FGF12: variants seen among roughly 807,000 people sequenced by gnomAD.
FGF12 encodes the protein fibroblast growth factor 12, also known as fibroblast growth factor 12B.
FGF12 carries 14 observed loss-of-function variants against 23.6 expected under a neutral mutation model. The ratio of observed to expected loss-of-function variants is 0.59; its 90% CI spans 0.39 to 0.93. The LOEUF is 0.93. FGF12 is among the 40% of genes least tolerant of loss of function. The pLI is 0.00. For missense variants in FGF12, 175 were observed against 217.8 expected (o/e 0.80, Z 1.24); for synonymous variants, 62 against 77.3 (o/e 0.80, Z 1.04).
chr3:192,598,998 A>G (rs7611958), intron 2 of FGF12, among the ~76,000 whole-genome samples: 22,970 of 152,074 alleles, frequency 0.15, 1,772 homozygotes, highest in Middle Eastern at 0.19. Flanking sequence ...CATTCTCAGC[A>G]AGCTAACACA....
In FGF12 at chr3:192,172,583, A is replaced by G. The variant is rs1715629121; in HGVS notation, c.229-1927T>C. Among the ~76,000 whole-genome samples, 4 of 150,886 alleles carry G rather than the reference A, an allele frequency of 2.7e-5. 1 individual carries two copies. Among genetic ancestry groups the G allele is most frequent in the Admixed American group, 2.0e-4 (3 of 15,042 alleles). On this transcript the variant is annotated intron_variant, in intron 4 of 5. Coordinates refer to ENST00000445105, the MANE Select transcript of FGF12 (RefSeq NM_004113.6). The stretch of plus-strand genomic sequence containing the variant: ...AGCTTAAGAATCAAAGAAACAAATG[A>G]CCATGAGATACTACTTCACATCCAC...
intron 4 of FGF12, among the ~76,000 whole-genome samples, chr3:192,216,569 G>C (rs1718204556): frequency 6.6e-6 from 1 of 152,056 alleles, no homozygotes; most frequent in Admixed American, 6.6e-5. Flanking sequence ...CCTTTAAAAT[G>C]CTACATAATC....
chr3:192,446,700 G>A (rs2134126), intron 2 of FGF12, among the ~76,000 whole-genome samples: 6,136 of 152,118 alleles, frequency 0.04, 424 homozygotes, highest in African/African-American at 0.14. Context: ...TCAGACCACC[G>A]GCATCCTCAC....
At chr3:192,394,255 T>G (rs1356033713) in intron 2 of FGF12, among the ~76,000 whole-genome samples, 1 of 152,198 alleles carries the variant, frequency 6.6e-6, no homozygotes, top group Non-Finnish European at 1.5e-5. Flanking sequence ...TATGTAATGG[T>G]CTACCTTGAA....
intron 4 of FGF12, among the ~76,000 whole-genome samples, chr3:192,208,070 T>G (rs1717743763): frequency 6.6e-6 from 1 of 152,200 alleles, no homozygotes; most frequent in Non-Finnish European, 1.5e-5. Flanking sequence ...TAGGCATCCC[T>G]TTACAGCTCA....
intron 2 of FGF12, among the ~76,000 whole-genome samples, chr3:192,369,053 C>G (rs977763008): frequency 4.6e-5 from 7 of 152,156 alleles, no homozygotes; most frequent in African/African-American, 1.7e-4. Context: ...GAGCTGTGCA[C>G]TATTTTAGAG....
intron 2 of FGF12, among the ~76,000 whole-genome samples, chr3:192,723,874 A>AG (rs1553849492): frequency 0.017 from 2,267 of 130,974 alleles, 46 homozygotes; most frequent in Non-Finnish European, 0.027. Flanking sequence ...AGAGAGAGAG[A>AG]GAGAGGAGAG....
At chr3:192,346,816 A>T (rs189600956) in intron 3 of FGF12, among the ~76,000 whole-genome samples, 1 of 152,282 alleles carries the variant, frequency 6.6e-6, no homozygotes, top group Non-Finnish European at 1.5e-5. Flanking sequence ...TACTTCAGCC[A>T]TTGATTTGTC....
chr3:192,154,775 G>A (rs1258129815), intron 5 of FGF12, among the ~76,000 whole-genome samples: 3 of 145,440 alleles, frequency 2.1e-5, no homozygotes, highest in Admixed American at 2.1e-4. Context: ...TTGTTTGTCT[G>A]TGCCCTGCCC....
At chr3:192,707,865 G>A (rs1404038682) in intron 2 of FGF12, among the ~76,000 whole-genome samples, 4 of 151,682 alleles carry the variant, frequency 2.6e-5, no homozygotes, top group Non-Finnish European at 4.4e-5. Context: ...TTTTTATGCC[G>A]AGCCAGATTT....
intron 3 of FGF12, among the ~76,000 whole-genome samples, chr3:192,352,432 G>A (rs948092525): frequency 1.3e-5 from 2 of 152,244 alleles, no homozygotes; most frequent in Non-Finnish European, 2.9e-5. Flanking sequence ...GCTGGAAAAT[G>A]TGTATTTCTA....
At chr3:192,627,900 C>T (rs867457277) in intron 2 of FGF12, among the ~76,000 whole-genome samples, 9 of 147,690 alleles carry the variant, frequency 6.1e-5, no homozygotes, top group African/African-American at 2.0e-4. Flanking sequence ...ACAATTTTAT[C>T]ATATGTAGAG....
chr3:192,665,363 C>T (rs1716827815), intron 2 of FGF12, among the ~76,000 whole-genome samples: 1 of 151,990 alleles, frequency 6.6e-6, no homozygotes, highest in Admixed American at 6.6e-5. Flanking sequence ...ATGCCATTAC[C>T]ATAAGTGATA....
At chr3:192,604,441 C>T (rs989785077) in intron 2 of FGF12, among the ~76,000 whole-genome samples, 6 of 152,208 alleles carry the variant, frequency 3.9e-5, no homozygotes, top group Non-Finnish European at 5.9e-5. Flanking sequence ...TTCTTCAGCT[C>T]CAGCCGGTCC....
intron 4 of FGF12, among the ~76,000 whole-genome samples, chr3:192,200,326 C>T (rs183966773): frequency 4.4e-4 from 67 of 150,654 alleles, no homozygotes; most frequent in Admixed American, 1.8e-3. Flanking sequence ...AAGAGTCCAT[C>T]TTAAAAAAAA....
At chr3:192,594,128 T>C (rs1713741224) in intron 2 of FGF12, among the ~76,000 whole-genome samples, 1 of 151,876 alleles carries the variant, frequency 6.6e-6, no homozygotes, top group Admixed American at 6.6e-5. Flanking sequence ...ACTGCCTATT[T>C]TCAAAAGTTG....
In FGF12 at chr3:192,360,606, A is replaced by C; in HGVS notation, c.14-68T>G. 9.4e-7 allele frequency: 1 copy of C among 1,058,292 alleles called. No homozygotes were observed. Among genetic ancestry groups the C allele is most frequent in the Non-Finnish European group, 1.5e-6 (1 of 677,274 alleles). The allele number at this position is 1,058,292 out of a possible 1,614,324, so 65.6% of individuals were successfully genotyped here. A position where few individuals can be genotyped will look rare whatever the true frequency, so the allele number is the denominator to read the frequency against. ...CAAATGCACACTTACAGATTGTTAA[A>C]AACATCCTGTAAGTAAATACGTAAA... On this transcript the variant is annotated intron_variant, in intron 2 of 5. Transcript: ENST00000445105. This position sits in a 1 kb window ranked among gnomAD's most constrained non-coding sequence, Gnocchi z 4.3.
At chr3:192,657,803 C>T (rs547328519) in intron 2 of FGF12, among the ~76,000 whole-genome samples, 9 of 152,156 alleles carry the variant, frequency 5.9e-5, no homozygotes, top group Admixed American at 1.3e-4. Flanking sequence ...CTAGACATTT[C>T]CAAACAATAA....
intron 2 of FGF12, among the ~76,000 whole-genome samples, chr3:192,413,365 G>A (rs1576963886): frequency 6.6e-6 from 1 of 152,018 alleles, no homozygotes; most frequent in East Asian, 1.9e-4. Context: ...TGTTTTAATC[G>A]CCCACTAGCT....
Sources: gnomAD v4.1 joint callset for allele counts (sites outside exome capture counted in the v4.1 genomes callset) on GRCh38, gnomAD v4.1.1 for gene constraint, Gnocchi (gnomAD v3.1) non-coding constraint, MANE v1.5 for transcripts, NCBI Gene and HGNC (gene_info 2026-07-23, HGNC 2026-07-21) for gene names.